The following CCDC85A variants were observed in gnomAD, a reference collection of about 807,000 sequenced individuals.
CCDC85A encodes coiled-coil domain-containing protein 85A.
Under a neutral mutation model 50.2 loss-of-function variants are expected in CCDC85A, and 38 were observed. The ratio of observed to expected loss-of-function variants is 0.76; its 90% CI spans 0.58 to 0.99. CCDC85A has a LOEUF of 0.99. Ranked by LOEUF, CCDC85A falls within the 50% of genes least tolerant of loss-of-function variation. The pLI, the probability that CCDC85A is intolerant of heterozygous loss-of-function variation, is 0.00. For synonymous variants in CCDC85A, 366 were observed against 301.4 expected, an observed-to-expected ratio of 1.21 and a Z score of -2.22; for missense variants, 820 against 742.0, an observed-to-expected ratio of 1.11 and a Z score of -1.22.
chr2:56,319,901 C>T (rs1284218311), intron 2 of CCDC85A, among the ~76,000 whole-genome samples: 2 of 152,128 alleles, frequency 1.3e-5, no homozygotes, highest in African/African-American at 4.8e-5. Context: ...AAGCACTCCT[C>T]TGCAAATGTA....
intron 3 of CCDC85A, among the ~76,000 whole-genome samples, chr2:56,365,307 A>C (rs867393560): frequency 6.6e-6 from 1 of 152,210 alleles, no homozygotes; most frequent in Non-Finnish European, 1.5e-5. Context: ...TACACATTTT[A>C]TGTAATGGTT....
intron 3 of CCDC85A, among the ~76,000 whole-genome samples, chr2:56,354,326 C>A (rs1195991503): frequency 6.6e-6 from 1 of 152,122 alleles, no homozygotes; most frequent in Non-Finnish European, 1.5e-5. Context: ...TGAGGTATCA[C>A]ACATTAGTTT....
chr2:56,219,154 T>C (rs916843573), intron 2 of CCDC85A, among the ~76,000 whole-genome samples: 3 of 149,544 alleles, frequency 2.0e-5, no homozygotes, highest in African/African-American at 7.4e-5. Context: ...CACTTCCTTT[T>C]CCTGGGCGCC....
intron 2 of CCDC85A, among the ~76,000 whole-genome samples, chr2:56,292,599 T>C (rs1671765883): frequency 6.6e-6 from 1 of 152,174 alleles, no homozygotes; most frequent in Admixed American, 6.5e-5. Context: ...GCTTTTAGTG[T>C]TGTAGGCCTC....
At chr2:56,373,277 A>G (rs1676171179) in intron 4 of CCDC85A, among the ~76,000 whole-genome samples, 1 of 152,132 alleles carries the variant, frequency 6.6e-6, no homozygotes, top group Non-Finnish European at 1.5e-5. Flanking sequence ...GCTAGTTTGA[A>G]GTATAACATT....
intron 2 of CCDC85A, among the ~76,000 whole-genome samples, chr2:56,268,198 A>G (rs1670534875): frequency 1.3e-5 from 2 of 152,344 alleles, no homozygotes; most frequent in South Asian, 2.1e-4. Context: ...AGGAATAAGA[A>G]TCAATTATCT....
At position 56,229,734 on chromosome 2, in the gene CCDC85A, GT is replaced by G. The variant is rs959110244; in HGVS notation, c.1240+36301del. Among the ~76,000 whole-genome samples the G allele has an allele frequency of 2.0e-5, 3 of 152,130 alleles. No individual in the cohort carries two copies. The East Asian group carries it at 5.8e-4, about 29-fold the overall frequency. ...AACAGCCGGATCTATATGTCTAGAT[GT>G]TTTTTTCTGAATGAATCATGAAAAA... is the stretch of plus-strand genomic sequence containing the variant. On this transcript the variant is annotated intron_variant, in intron 2 of 5. Transcript: ENST00000407595.
chr2:56,357,940 C>A (rs961353329), intron 3 of CCDC85A, among the ~76,000 whole-genome samples: 2 of 152,156 alleles, frequency 1.3e-5, no homozygotes, highest in African/African-American at 4.8e-5. Context: ...AGCATTGAAT[C>A]CATCTTGATG....
At chr2:56,383,155 A>T (rs756700052) in intron 5 of CCDC85A, among the ~76,000 whole-genome samples, 11 of 152,034 alleles carry the variant, frequency 7.2e-5, no homozygotes, top group Non-Finnish European at 1.3e-4. Flanking sequence ...TGGCTTAGAA[A>T]TGAAGGTAAA....
intron 1 of CCDC85A, among the ~76,000 whole-genome samples, chr2:56,188,074 G>C (rs892727089): frequency 1.3e-5 from 2 of 152,200 alleles, no homozygotes; most frequent in Non-Finnish European, 2.9e-5. Context: ...ATTTTGGTTG[G>C]TGTGCTACGA....
chr2:56,190,614 G>T (rs542207294), intron 1 of CCDC85A, among the ~76,000 whole-genome samples: 2 of 152,168 alleles, frequency 1.3e-5, no homozygotes, highest in African/African-American at 2.4e-5. Flanking sequence ...AGACCTGATG[G>T]TTGTCTAGAA....
At chr2:56,368,814 T>C (rs549291935) in intron 3 of CCDC85A, among the ~76,000 whole-genome samples, 1 of 151,926 alleles carries the variant, frequency 6.6e-6, no homozygotes, top group Non-Finnish European at 1.5e-5. Context: ...ACATATATAT[T>C]TTTATATATA....
chr2:56,333,009 T>C (rs924562138), intron 2 of CCDC85A, among the ~76,000 whole-genome samples: 4 of 152,204 alleles, frequency 2.6e-5, no homozygotes, highest in Non-Finnish European at 5.9e-5. Flanking sequence ...CCAAACACTA[T>C]TCTAGGCACT....
At chr2:56,358,141 C>G (rs1420598954) in intron 3 of CCDC85A, among the ~76,000 whole-genome samples, 48 of 152,274 alleles carry the variant, frequency 3.2e-4, no homozygotes. Context: ...GTGAAAATGA[C>G]ACTATCACCA....
chr2:56,252,051 A>ATTTTTTTTTT (rs764719557), intron 2 of CCDC85A, among the ~76,000 whole-genome samples: 1 of 126,376 alleles, frequency 7.9e-6, no homozygotes, highest in Non-Finnish European at 1.7e-5. Context: ...ATCATCAACT[A>ATTTTTTTTTT]TTTTTTTTTT....
At chr2:56,334,167 C>T (rs1357894684) in intron 2 of CCDC85A, among the ~76,000 whole-genome samples, 3 of 152,138 alleles carry the variant, frequency 2.0e-5, no homozygotes, top group Non-Finnish European at 2.9e-5. Flanking sequence ...TACAAATCAC[C>T]TTCATAAAAT....
At chr2:56,361,802 G>A (rs1168344399) in intron 3 of CCDC85A, among the ~76,000 whole-genome samples, 1 of 152,196 alleles carries the variant, frequency 6.6e-6, no homozygotes, top group Non-Finnish European at 1.5e-5. Flanking sequence ...GCTATTGGAG[G>A]ATTTGGGCAG....
intron 3 of CCDC85A, among the ~76,000 whole-genome samples, chr2:56,351,257 G>C (rs1558654138): frequency 6.6e-6 from 1 of 151,894 alleles, no homozygotes; most frequent in Non-Finnish European, 1.5e-5. Context: ...TATTATTGTT[G>C]GACATTTGGG....
At chr2:56,195,932 G>T (rs2103835412) in intron 2 of CCDC85A, among the ~76,000 whole-genome samples, 1 of 152,266 alleles carries the variant, frequency 6.6e-6, no homozygotes, top group East Asian at 1.9e-4. Context: ...TACCTGTAAA[G>T]ATATGCATTC....
Sources: gnomAD v4.1 joint callset for allele counts (sites outside exome capture counted in the v4.1 genomes callset) on GRCh38, gnomAD v4.1.1 for gene constraint, MANE v1.5 for transcripts, NCBI Gene and HGNC (gene_info 2026-07-23, HGNC 2026-07-21) for gene names.